The following MAMDC4 variants were observed in gnomAD, a reference collection of about 807,000 sequenced individuals.
MAMDC4 encodes MAM domain containing 4, also known as apical endosomal glycoprotein.
In MAMDC4, 168 loss-of-function variants were observed where a neutral mutation model predicts 153.3. The ratio of observed to expected loss-of-function variants is 1.10; its 90% CI spans 0.97 to 1.25. MAMDC4 has a LOEUF of 1.25. Among genes scored for constraint, MAMDC4 ranks in the 50% most tolerant of loss-of-function variants. MAMDC4 has a pLI of 0.00. For missense variants in MAMDC4, 1,701 were observed against 1,542.8 expected, an observed-to-expected ratio of 1.10 and a Z score of -1.72; for synonymous variants, 744 against 651.5, an observed-to-expected ratio of 1.14 and a Z score of -2.16.
chr9:136,854,343 C>T lies in MAMDC4; in HGVS notation c.796+7C>T. The T allele has an allele frequency of 6.5e-7, 1 of 1,544,818 alleles. No homozygotes were observed. The highest frequency in any genetic ancestry group is 8.7e-7 in the Non-Finnish European group (1 of 1,145,380). Reference sequence around the variant, plus strand: ...GAGAACCCACTCACCTGTGGTGAGGCCGGAGTGGGGGCCCAGAGTGAGGCT... The same window carrying T: ...GAGAACCCACTCACCTGTGGTGAGGTCGGAGTGGGGGCCCAGAGTGAGGCT... On this transcript the variant is annotated splice_region_variant and intron_variant, in intron 7 of 26. Coordinates refer to ENST00000317446, the MANE Select transcript of MAMDC4 (RefSeq NM_206920.3).
At position 136,857,678 on chromosome 9, in the gene MAMDC4, C is replaced by T. The variant is rs1394612432; in HGVS notation, c.2346C>T (p.Asp782=). Residue 782 remains aspartate (D), a synonymous_variant, in exon 19 of 27, where the codon GAC becomes GAT. Coordinates refer to ENST00000317446, the MANE Select transcript of MAMDC4 (RefSeq NM_206920.3). ...ETAQGHYMVV[D]TSPDALPRGQ... ...CTCCAGGGCACTACATGGTGGTGGA[C>T]ACAAGCCCAGACGCACTACCCCGGG... 1 of 1,612,606 alleles carries T rather than the reference C, an allele frequency of 6.2e-7. No individual in the cohort carries two copies. The highest frequency in any genetic ancestry group is 8.5e-7 in the Non-Finnish European group (1 of 1,179,848).
rs762173903 is a variant in MAMDC4 at position 136,856,711 on chromosome 9, G to C, written c.1722G>C (p.Glu574Asp). The stretch of plus-strand genomic sequence containing the variant: ...GACGCCACCTGGCCCCACCCCCAGA[G>C]GTCTCCTGTAACTTTGAGCGGGACA... ...LAYYLQSQPREVSCNFERDTC... is the reference protein window; with the variant it reads ...LAYYLQSQPRDVSCNFERDTC... The change falls in exon 15 of 27, where the codon GAG becomes GAC. Residue 574 changes from glutamate to aspartate, a missense_variant and splice_region_variant. By Grantham distance (45) the Glu-to-Asp change is conservative. Transcript: ENST00000317446. The C allele has an allele frequency of 2.5e-6, 4 of 1,612,640 alleles. No individual in the cohort carries two copies. The highest frequency in any genetic ancestry group is 3.4e-6 in the Non-Finnish European group (4 of 1,179,856).
rs1434641564 is a variant in MAMDC4 at position 136,856,091 on chromosome 9, C to T, written c.1662C>T (p.Gly554=). ...CCCGGGTCCTCACACCCCTCCTTGG[C>T]CCTTCTGGCCCCAGCTGTGAACTCC... ...AEARVLTPLL[G]PSGPSCELHL... The change falls in exon 14 of 27, where the codon GGC becomes GGT. Residue 554 remains glycine, a synonymous_variant. Coordinates refer to ENST00000317446, the MANE Select transcript of MAMDC4 (RefSeq NM_206920.3). The T allele has an allele frequency of 6.2e-7, 1 of 1,612,474 alleles. No homozygotes were observed. The highest frequency in any genetic ancestry group is 2.2e-5 in the East Asian group (1 of 44,872).
rs1249898662 is a variant in MAMDC4 at position 136,855,625 on chromosome 9, G to A, written c.1471+6G>A. The A allele has an allele frequency of 6.4e-7, 1 of 1,573,294 alleles. No homozygotes were observed. The highest frequency in any genetic ancestry group is 1.2e-5 in the South Asian group (1 of 86,110). On this transcript the variant is annotated splice_donor_region_variant and intron_variant, in intron 12 of 26. Transcript: ENST00000317446. ...CGAGGACGAGCAGGCCTGTGGTAAA[G>A]GGGCTCAACCTCCTGCAGACCTCCT... is the stretch of plus-strand genomic sequence containing the variant.
intron 14 of MAMDC4, 122 bp from the exon 15 acceptor site, chr9:136,856,588 C>A: frequency 1.1e-6 from 1 of 924,108 alleles, no homozygotes; most frequent in Non-Finnish European, 1.8e-6. Flanking sequence ...TCCTGCTGCC[C>A]ATCCTCACTC....
At chr9:136,854,458 C>A in intron 7 of MAMDC4, 81 bp from the exon 8 acceptor site, 1 of 1,524,780 alleles carries the variant, frequency 6.6e-7, no homozygotes, top group Non-Finnish European at 8.8e-7. Context: ...GGTGTGGTTG[C>A]CAGGGCCCCC....
rs778929633 is a variant in MAMDC4 at position 136,858,283 on chromosome 9, G to A, written c.2674+7G>A. On this transcript the variant is annotated splice_region_variant and intron_variant, in intron 21 of 26. Coordinates refer to ENST00000317446, the MANE Select transcript of MAMDC4 (RefSeq NM_206920.3). Reference sequence around the variant, plus strand: ...GGGCCCTGCCCTCAGCCAGGTGGGAGCCCTGCCGTGGCCTCGGCCCTGCTC... The same window carrying A: ...GGGCCCTGCCCTCAGCCAGGTGGGAACCCTGCCGTGGCCTCGGCCCTGCTC... The A allele has an allele frequency of 6.2e-7, 1 of 1,601,190 alleles. No individual in the cohort carries two copies.
In MAMDC4 at chr9:136,858,447, T is replaced by A. The variant is rs2275156; in HGVS notation, c.2722T>A (p.Trp908Arg). The A allele has an allele frequency of 1.8e-4, 289 of 1,606,602 alleles. No homozygotes were observed. Among genetic ancestry groups the A allele is most frequent in the Non-Finnish European group, 2.2e-4 (255 of 1,179,716 alleles). The change falls in exon 22 of 27, where the codon TGG becomes AGG. Residue 908 changes from tryptophan to arginine, a missense_variant. Coordinates refer to ENST00000317446, the MANE Select transcript of MAMDC4 (RefSeq NM_206920.3). ...SGLCGWSHLA[W>R]PGLGGYSWDW... The stretch of plus-strand genomic sequence containing the variant: ...CCTGTGTGGCTGGAGCCACCTGGCC[T>A]GGCCCGGCCTGGGCGGATACAGCTG...
chr9:136,852,995 G>T, intron 1 of MAMDC4, 107 bp from the exon 2 acceptor site: 1 of 909,548 alleles, frequency 1.1e-6, no homozygotes, highest in Non-Finnish European at 1.7e-6. Context: ...GGTCTGAGGG[G>T]CATCCCCGGA....
In MAMDC4 at chr9:136,855,053, G is replaced by A. The variant is rs1238570943; in HGVS notation, c.1140G>A (p.Glu380=). The change falls in exon 10 of 27, where the codon GAG becomes GAA. Residue 380 remains glutamate (E), a synonymous_variant. Coordinates refer to ENST00000317446, the MANE Select transcript of MAMDC4 (RefSeq NM_206920.3). ...APVLLRRRRG[E]LGTAWVRDRV... is the part of the protein sequence containing the mutation. Reference sequence around the variant, plus strand: ...TCCTGCTGCGGAGGCGCCGAGGGGAGCTGGGGACCGCCTGGGTCCGAGACC... The same window carrying A: ...TCCTGCTGCGGAGGCGCCGAGGGGAACTGGGGACCGCCTGGGTCCGAGACC... 9 of 1,605,952 alleles carry A rather than the reference G, an allele frequency of 5.6e-6. No homozygotes were observed. In the East Asian group the frequency reaches 9.0e-5, roughly 16 times the overall value.
intron 26 of MAMDC4, 107 bp from the exon 27 acceptor site, chr9:136,860,455 G>T (rs960293775): frequency 3.0e-4 from 359 of 1,186,758 alleles, no homozygotes; most frequent in Non-Finnish European, 5.6e-5. Flanking sequence ...AGGGAGGCAG[G>T]GGTTGCAGTG....
At chr9:136,856,481 G>A in intron 14 of MAMDC4, 1 of 785,160 alleles carries the variant, frequency 1.3e-6, no homozygotes, top group Non-Finnish European at 2.4e-6. Flanking sequence ...TTGTCGGTTT[G>A]GTGGACTTGG....
At chr9:136,859,181 C>G in intron 24 of MAMDC4, 28 bp from the exon 25 acceptor site, 1 of 1,600,886 alleles carries the variant, frequency 6.2e-7, no homozygotes, top group Non-Finnish European at 8.5e-7. Flanking sequence ...ACCCAGGGCC[C>G]ACACAAACTC....
chr9:136,853,219 G>C lies in MAMDC4; in HGVS notation c.154+10G>C, dbSNP rs1202958976. ...GATGAGGCCCAGTGTGGTGAGCCAA[G>C]ACCAGATGGGCGGGCAGGGCCAGTG... On this transcript the variant is annotated intron_variant, in intron 2 of 26. Coordinates refer to ENST00000317446, the MANE Select transcript of MAMDC4 (RefSeq NM_206920.3). The C allele has an allele frequency of 6.2e-7, 1 of 1,612,704 alleles. No homozygotes were observed. The highest frequency in any genetic ancestry group is 1.1e-5 in the South Asian group (1 of 91,072).
At position 136,855,302 on chromosome 9, in the gene MAMDC4, G is replaced by A. The variant is rs371469925; in HGVS notation, c.1246G>A (p.Asp416Asn). ...CCCGGGGGGCGTCGTGGGTCTGGACGACCTCATCCTGTCTGACCACTGCAG... is the reference window on the plus strand; with the variant it reads ...CCCGGGGGGCGTCGTGGGTCTGGACAACCTCATCCTGTCTGACCACTGCAG... ...TGPGGVVGLDDLILSDHCRPV... is the reference protein window; with the variant it reads ...TGPGGVVGLDNLILSDHCRPV... The change falls in exon 11 of 27, where the codon GAC becomes AAC. Residue 416 changes from aspartate to asparagine, a missense_variant. Asp to Asn is a conservative substitution (Grantham distance 23). Coordinates refer to ENST00000317446, the MANE Select transcript of MAMDC4 (RefSeq NM_206920.3). 108 of 1,606,960 alleles carry A rather than the reference G, an allele frequency of 6.7e-5. No homozygotes were observed. The highest frequency in any genetic ancestry group is 4.4e-4 in the Admixed American group (26 of 59,442).
rs371405060 is a variant in MAMDC4, at chr9:136,857,516, G to A, written c.2256G>A (p.Arg752=). 2.5e-6 allele frequency: 4 copies of A among 1,610,578 alleles called. No individual in the cohort carries two copies. In the African/African-American group the frequency reaches 5.3e-5, roughly 21 times the overall value. Residue 752 remains arginine (R), a synonymous_variant, in exon 18 of 27, where the codon AGG becomes AGA. Coordinates refer to ENST00000317446, the MANE Select transcript of MAMDC4 (RefSeq NM_206920.3). ...GFSPGGQGLW[R]RQANASGHAA... Reference sequence around the variant, plus strand: ...CCCCTGGAGGCCAAGGTCTCTGGAGGCGGCAGGCCAATGCCTCGGGCCATG... The same window carrying A: ...CCCCTGGAGGCCAAGGTCTCTGGAGACGGCAGGCCAATGCCTCGGGCCATG...
Position 136,858,507 on chromosome 9 carries a change from C to G in MAMDC4, c.2782C>G (p.Pro928Ala). Reference sequence around the variant, plus strand: ...CGGGGGAGCCACCCCCTCTCGTTACCCCCAGCCCCCTGTGGACCACACCCT... The same window carrying G: ...CGGGGGAGCCACCCCCTCTCGTTACGCCCAGCCCCCTGTGGACCACACCCT... Reference protein sequence around the residue: ...WGGGATPSRYPQPPVDHTLGT... With the variant: ...WGGGATPSRYAQPPVDHTLGT... Residue 928 changes from proline (P) to alanine (A), a missense_variant, in exon 22 of 27, where the codon CCC (proline) becomes GCC (alanine). Coordinates refer to ENST00000317446, the MANE Select transcript of MAMDC4 (RefSeq NM_206920.3). 1 of 1,602,920 alleles carries G rather than the reference C, an allele frequency of 6.2e-7. No individual in the cohort carries two copies. The highest frequency in any genetic ancestry group is 8.5e-7 in the Non-Finnish European group (1 of 1,175,852).
Position 136,860,596 on chromosome 9 carries a change from A to C in MAMDC4, c.3407A>C (p.Asp1136Ala). 1 of 1,613,158 alleles carries C rather than the reference A, an allele frequency of 6.2e-7. No individual in the cohort carries two copies. The highest frequency in any genetic ancestry group is 8.5e-7 in the Non-Finnish European group (1 of 1,179,866). The change falls in exon 27 of 27, where the codon GAT becomes GCT. Residue 1136 changes from aspartate to alanine, a missense_variant. Coordinates refer to ENST00000317446, the MANE Select transcript of MAMDC4 (RefSeq NM_206920.3). ...ACCCTCCCGGCATCTGTCACCAGTG[A>C]TCCGTAGACCACCCCAGACAAGGCC... ...GVTLPASVTSDP is the reference protein window; with the variant it reads ...GVTLPASVTSAP
At chr9:136,860,483 T>C (rs961022234) in intron 26 of MAMDC4, 79 bp from the exon 27 acceptor site, 2 of 1,474,238 alleles carry the variant, frequency 1.4e-6, no homozygotes, top group Non-Finnish European at 1.8e-6. Context: ...ATCGTGCCAT[T>C]GCACTCCATC....
Sources: allele counts gnomAD v4.1 joint callset, GRCh38; gene constraint gnomAD v4.1.1; transcripts MANE v1.5; gene names NCBI Gene and HGNC (gene_info 2026-07-23, HGNC 2026-07-21).